The following EFCAB6 variants were observed in gnomAD, a reference collection of about 807,000 sequenced individuals.
EFCAB6 encodes EF-hand calcium-binding domain-containing protein 6.
EFCAB6 carries 156 observed loss-of-function variants against 169.8 expected under a neutral mutation model. The ratio of observed to expected loss-of-function variants is 0.92; its 90% CI spans 0.81 to 1.05. The LOEUF (loss-of-function observed/expected upper bound fraction) is 1.05. Among genes scored for constraint, EFCAB6 ranks in the 50% least tolerant of loss-of-function variants. EFCAB6 has a pLI of 0.00. For missense variants in EFCAB6, 1,800 were observed against 1,829.1 expected (o/e 0.98, Z 0.29); for synonymous variants, 698 against 676.4 (o/e 1.03, Z -0.50).
intron 17 of EFCAB6, among the ~76,000 whole-genome samples, chr22:43,656,352 A>T (rs1280306219): frequency 6.6e-6 from 1 of 152,058 alleles, no homozygotes; most frequent in Non-Finnish European, 1.5e-5. Flanking sequence ...GATTGCTGCC[A>T]TTGCACTCCA....
intron 23 of EFCAB6, among the ~76,000 whole-genome samples, chr22:43,592,802 C>A (rs1276865742): frequency 6.6e-6 from 1 of 152,174 alleles, no homozygotes; most frequent in East Asian, 1.9e-4. Flanking sequence ...TTCGAACGAG[C>A]CCGTGTTATG....
chr22:43,545,624 C>T (rs1420652578), intron 27 of EFCAB6, among the ~76,000 whole-genome samples: 1 of 152,122 alleles, frequency 6.6e-6, no homozygotes, highest in African/African-American at 2.4e-5. Flanking sequence ...CCTGGAGATC[C>T]TGGCATAATG....
intron 20 of EFCAB6, among the ~76,000 whole-genome samples, chr22:43,617,432 C>A (rs2053769420): frequency 6.6e-6 from 1 of 152,220 alleles, no homozygotes; most frequent in African/African-American, 2.4e-5. Flanking sequence ...ATGCCCCCTA[C>A]TTTTCACACC....
intron 10 of EFCAB6, 62 bp from the exon 11 acceptor site, chr22:43,687,643 G>T: frequency 1.1e-6 from 1 of 923,942 alleles, no homozygotes; most frequent in Non-Finnish European, 1.6e-6. Flanking sequence ...ACACTGCATG[G>T]ATTAGGTACT....
chr22:43,757,605 G>A (rs982644731), intron 5 of EFCAB6, among the ~76,000 whole-genome samples: 6 of 151,938 alleles, frequency 3.9e-5, no homozygotes, highest in African/African-American at 7.3e-5. Flanking sequence ...CTTAACCCCC[G>A]CCCCCATCCA....
chr22:43,630,512 C>T (rs1242993287), intron 19 of EFCAB6, among the ~76,000 whole-genome samples: 4 of 152,158 alleles, frequency 2.6e-5, no homozygotes, highest in Admixed American at 6.5e-5. Context: ...CTGGGAGACG[C>T]GAGGAGTGTG....
chr22:43,776,630 A>C (rs1471259469), intron 3 of EFCAB6, among the ~76,000 whole-genome samples: 2 of 152,152 alleles, frequency 1.3e-5, no homozygotes, highest in Admixed American at 1.3e-4. Context: ...CAACAGGGAA[A>C]CCATAGCAAC....
intron 13 of EFCAB6, among the ~76,000 whole-genome samples, chr22:43,676,082 T>A (rs2057743556): frequency 6.6e-6 from 1 of 151,902 alleles, no homozygotes; most frequent in African/African-American, 2.4e-5. Context: ...AGGCTCATCA[T>A]ATAACGTGAA....
chr22:43,731,532 A>G (rs962241803), intron 8 of EFCAB6, among the ~76,000 whole-genome samples, 167 bp downstream of exon 8: 3 of 152,106 alleles, frequency 2.0e-5, no homozygotes, highest in African/African-American at 7.2e-5. Context: ...GCCTTTTCCT[A>G]TTCTTAGGCA....
Position 43,747,393 on chromosome 22 carries a change from A to G in EFCAB6, c.507+8373T>C, listed in dbSNP as rs563089069. Among the ~76,000 whole-genome samples the G allele has an allele frequency of 2.0e-5, 3 of 152,286 alleles. No individual in the cohort carries two copies. The South Asian group carries it at 6.2e-4, about 32-fold the overall frequency. On this transcript the variant is annotated intron_variant, in intron 6 of 31. Transcript: ENST00000262726. ...TCAAGGACTAGGGGAACAGCACTGG[A>G]GAAGCTGGGGCCGGCTCTGGGGGAC...
Position 43,530,857 on chromosome 22 carries a change from A to C in EFCAB6, c.4341T>G (p.Asp1447Glu). Residue 1447 changes from aspartate to glutamate, a missense_variant, in exon 31 of 32, where the codon GAT (aspartate) becomes GAG (glutamate). Coordinates refer to ENST00000262726, the MANE Select transcript of EFCAB6 (RefSeq NM_022785.4). ...CGCTTAGCAGCCCTGTTCCAGCCTC[A>C]TCATAGCTTTTGAACGTGCGCCGCA... ...RPMRRTFKSYDEAGTGLLSVA... is the reference protein window; with the variant it reads ...RPMRRTFKSYEEAGTGLLSVA... 2 of 1,614,202 alleles carry C rather than the reference A, an allele frequency of 1.2e-6. No individual in the cohort carries two copies. The highest frequency in any genetic ancestry group is 8.5e-7 in the Non-Finnish European group (1 of 1,180,044).
chr22:43,726,031 G>A (rs1430071191), intron 8 of EFCAB6, among the ~76,000 whole-genome samples: 1 of 152,130 alleles, frequency 6.6e-6, no homozygotes, highest in Non-Finnish European at 1.5e-5. Flanking sequence ...GTAAGCTAAT[G>A]CTGCAGAAAC....
intron 17 of EFCAB6, among the ~76,000 whole-genome samples, chr22:43,658,410 C>A (rs1320857144): frequency 6.6e-6 from 1 of 152,074 alleles, no homozygotes; most frequent in East Asian, 1.9e-4. Context: ...CAGGCAGAGG[C>A]CACTCCCGCA....
chr22:43,559,485 C>T (rs904468143), intron 26 of EFCAB6, among the ~76,000 whole-genome samples: 30 of 152,164 alleles, frequency 2.0e-4, no homozygotes, highest in South Asian at 4.1e-4. Context: ...CCAGAAATAT[C>T]ATTTGACCCA....
rs192690136 is a variant in EFCAB6 at position 43,545,542 on chromosome 22, C to T, written c.3649-5185G>A. ...GAACAAAAACCTGAAAGCCAGCTTGCAAAAGCTAATCCTGGGAGGCCAAAG... is the reference window on the plus strand; with the variant it reads ...GAACAAAAACCTGAAAGCCAGCTTGTAAAAGCTAATCCTGGGAGGCCAAAG... On this transcript the variant is annotated intron_variant, in intron 27 of 31. Coordinates refer to ENST00000262726, the MANE Select transcript of EFCAB6 (RefSeq NM_022785.4). Among the ~76,000 whole-genome samples, 38 of 152,340 alleles carry T rather than the reference C, an allele frequency of 2.5e-4. 1 individual carries two copies. The East Asian group carries it at 7.1e-3, about 29-fold the overall frequency.
At chr22:43,796,576 G>C (rs149875275) in intron 2 of EFCAB6, among the ~76,000 whole-genome samples, 1 of 152,022 alleles carries the variant, frequency 6.6e-6, no homozygotes, top group South Asian at 2.1e-4. Context: ...TACGGCAACC[G>C]AGAAAAAACA....
chr22:43,721,703 G>T (rs946360371), intron 8 of EFCAB6, among the ~76,000 whole-genome samples: 2 of 152,174 alleles, frequency 1.3e-5, no homozygotes, highest in Admixed American at 1.3e-4. Flanking sequence ...GCAGAAGAAT[G>T]AATCTGGACC....
chr22:43,553,205 G>A (rs2048488058), intron 27 of EFCAB6: 2 of 152,244 alleles, frequency 1.3e-5, no homozygotes. Flanking sequence ...AGGTTGTAAT[G>A]GCCCAGTTTT....
chr22:43,695,191 T>C (rs1461045646), intron 10 of EFCAB6, among the ~76,000 whole-genome samples: 1 of 152,038 alleles, frequency 6.6e-6, no homozygotes, highest in East Asian at 1.9e-4. Context: ...ACATCAATTG[T>C]ATTTCTGATT....
Sources: allele counts gnomAD v4.1 joint callset (sites outside exome capture counted in the v4.1 genomes callset), GRCh38; gene constraint gnomAD v4.1.1; transcripts MANE v1.5; gene names NCBI Gene and HGNC (gene_info 2026-07-23, HGNC 2026-07-21).